Variants in DOCK2 observed in about 807,000 individuals in gnomAD.
DOCK2 encodes dedicator of cytokinesis protein 2.
In DOCK2, 87 loss-of-function variants were observed where a neutral mutation model predicts 248.9. The observed-to-expected ratio is 0.35, with a 90% CI of 0.29 to 0.42. The LOEUF (loss-of-function observed/expected upper bound fraction) is 0.42. DOCK2 is among the 10% of genes least tolerant of loss of function. The pLI, the probability that DOCK2 is intolerant of heterozygous loss-of-function variation, is 1.00. For missense variants in DOCK2, 1,747 were observed against 2,300.2 expected, an observed-to-expected ratio of 0.76 and a Z score of 4.92; for synonymous variants, 805 against 821.6, an observed-to-expected ratio of 0.98 and a Z score of 0.35.
At chr5:169,843,432 G>A (rs1423856528) in intron 27 of DOCK2, among the ~76,000 whole-genome samples, 1 of 152,234 alleles carries the variant, frequency 6.6e-6, no homozygotes, top group East Asian at 1.9e-4. Context: ...TGAGGCAGGA[G>A]AATGGCATGA....
chr5:169,841,657 T>C lies in DOCK2; in HGVS notation c.2799+805T>C, dbSNP rs1249490713. ...AAACATGATAGATGTGCTGTTTCCC[T>C]TTTTTTGAGTCTGATATCACCTAAG... On this transcript the variant is annotated intron_variant, in intron 27 of 51. Coordinates refer to ENST00000520908, the MANE Select transcript of DOCK2 (RefSeq NM_004946.3). 5 of 170,878 alleles carry C rather than the reference T, an allele frequency of 2.9e-5. No individual in the cohort carries two copies. In the East Asian group the frequency reaches 7.6e-4, roughly 26 times the overall value. The allele number at this position is 170,878 out of a possible 1,614,324, so 10.6% of individuals were successfully genotyped here. A position where few individuals can be genotyped will look rare whatever the true frequency, so the allele number is the denominator to read the frequency against.
At chr5:169,685,856 G>A (rs1759942885) in intron 8 of DOCK2, among the ~76,000 whole-genome samples, 1 of 152,194 alleles carries the variant, frequency 6.6e-6, no homozygotes, top group African/African-American at 2.4e-5. Flanking sequence ...TTTGTAAACA[G>A]CAGAGCTGGG....
At chr5:169,686,371 C>T (rs574305488) in intron 8 of DOCK2, among the ~76,000 whole-genome samples, 1 of 152,316 alleles carries the variant, frequency 6.6e-6, no homozygotes, top group African/African-American at 2.4e-5. Context: ...GAGGTGGCAG[C>T]TGTGCTCCCT....
chr5:169,785,834 G>C (rs935047822), intron 25 of DOCK2, among the ~76,000 whole-genome samples: 4 of 152,052 alleles, frequency 2.6e-5, no homozygotes, highest in Admixed American at 2.6e-4. Flanking sequence ...TTTGTGGAAT[G>C]CTCCTTCATT....
chr5:170,042,564 T>A lies in DOCK2; in HGVS notation c.3876+432T>A, dbSNP rs1756557332. Reference sequence around the variant, plus strand: ...CTCTCTCATTTCATCCCTGCTGGGGTCCCTCTTGCTCACGTGCTCTATGCC... The same window carrying A: ...CTCTCTCATTTCATCCCTGCTGGGGACCCTCTTGCTCACGTGCTCTATGCC... On this transcript the variant is annotated intron_variant, in intron 38 of 51. Coordinates refer to ENST00000520908, the MANE Select transcript of DOCK2 (RefSeq NM_004946.3). Among the ~76,000 whole-genome samples, 3 of 152,216 alleles carry A rather than the reference T, an allele frequency of 2.0e-5. No individual in the cohort carries two copies. In the South Asian group the frequency reaches 6.2e-4, roughly 32 times the overall value.
intron 9 of DOCK2, among the ~76,000 whole-genome samples, chr5:169,694,965 G>T (rs1256768070): frequency 6.6e-6 from 1 of 152,120 alleles, no homozygotes; most frequent in South Asian, 2.1e-4. Context: ...ACAGAGTGAA[G>T]CCCTGTCTCA....
chr5:169,950,083 C>T (rs1776598133), intron 27 of DOCK2, among the ~76,000 whole-genome samples: 1 of 152,146 alleles, frequency 6.6e-6, no homozygotes, highest in South Asian at 2.1e-4. Context: ...TGTTCAAGCC[C>T]ATCTGGCACC....
intron 49 of DOCK2, 194 bp from the exon 50 acceptor site, chr5:170,079,968 TG>T: frequency 1.3e-6 from 1 of 793,570 alleles, no homozygotes. Flanking sequence ...CGCCTGTAGT[TG>T]TGTAGTGTGC....
intron 6 of DOCK2, among the ~76,000 whole-genome samples, chr5:169,680,807 C>G (rs1302364176): frequency 6.6e-6 from 1 of 152,152 alleles, no homozygotes; most frequent in Non-Finnish European, 1.5e-5. Flanking sequence ...CTACCTGTCC[C>G]CACAGATAAC....
intron 27 of DOCK2, among the ~76,000 whole-genome samples, chr5:169,943,939 A>G (rs969006220): frequency 3.3e-5 from 5 of 152,228 alleles, no homozygotes; most frequent in Admixed American, 3.3e-4. Context: ...AAATTTAGAA[A>G]AGCCACTTTG....
At chr5:170,051,136 G>A (rs1756900082) in intron 41 of DOCK2, among the ~76,000 whole-genome samples, 1 of 152,196 alleles carries the variant, frequency 6.6e-6, no homozygotes. Flanking sequence ...CAGGAAGTGG[G>A]GAGAATATCC....
intron 15 of DOCK2, 48 bp downstream of exon 15, chr5:169,708,315 A>G (rs1352870453): frequency 1.3e-6 from 2 of 1,556,216 alleles, no homozygotes; most frequent in Middle Eastern, 1.7e-4. Flanking sequence ...CTTACCATGA[A>G]CCAGGCACTG....
At chr5:169,796,058 A>C (rs772238926) in intron 25 of DOCK2, among the ~76,000 whole-genome samples, 1 of 152,244 alleles carries the variant, frequency 6.6e-6, no homozygotes, top group Non-Finnish European at 1.5e-5. Context: ...GCTGGTTATG[A>C]GTGGAATGAG....
At chr5:169,958,376 G>A (rs1270298038) in intron 27 of DOCK2, among the ~76,000 whole-genome samples, 1 of 152,128 alleles carries the variant, frequency 6.6e-6, no homozygotes, top group Non-Finnish European at 1.5e-5. Context: ...GGTGGGAAAA[G>A]CAAGAGGAGG....
In DOCK2 at chr5:169,759,763, C is replaced by T. The variant is rs775851597; in HGVS notation, c.2435C>T (p.Ala812Val). 5.1e-5 allele frequency: 83 copies of T among 1,613,744 alleles called. No individual in the cohort carries two copies. Among genetic ancestry groups the T allele is most frequent in the Non-Finnish European group, 6.2e-5 (73 of 1,179,846 alleles). Residue 812 changes from alanine (A) to valine (V), a missense_variant, in exon 24 of 52, where the codon GCG (alanine) becomes GTG (valine). Physicochemically the swap from Ala to Val is moderately conservative, Grantham distance 64. Coordinates refer to ENST00000520908, the MANE Select transcript of DOCK2 (RefSeq NM_004946.3). ...CATGATGTAGAAATGGTCTTTGATG[C>T]GAAGTTACTCAGGTGAGAGCTCATG... ...VLHDVEMVFD[A>V]KLLSQLLYEF...
intron 27 of DOCK2, among the ~76,000 whole-genome samples, chr5:169,907,194 T>C (rs1774329978): frequency 6.6e-6 from 1 of 152,230 alleles, no homozygotes; most frequent in Non-Finnish European, 1.5e-5. Flanking sequence ...GTGAAATATT[T>C]TCTGCTTATT....
intron 25 of DOCK2, among the ~76,000 whole-genome samples, chr5:169,792,550 A>G (rs1227955406): frequency 6.6e-6 from 1 of 152,008 alleles, no homozygotes; most frequent in Admixed American, 6.5e-5. Flanking sequence ...GGGCTGAAGC[A>G]GTCCTTCCAT....
intron 6 of DOCK2, among the ~76,000 whole-genome samples, chr5:169,675,817 G>C (rs1029037526): frequency 2.6e-5 from 4 of 152,202 alleles, no homozygotes; most frequent in Admixed American, 1.3e-4. Context: ...TAAGCACTAG[G>C]GGGAGGATTC....
chr5:170,047,812 C>T (rs1365794563), intron 40 of DOCK2, among the ~76,000 whole-genome samples, 198 bp downstream of exon 40: 2 of 152,188 alleles, frequency 1.3e-5, no homozygotes, highest in Non-Finnish European at 2.9e-5. Flanking sequence ...CTGTGTTTCT[C>T]TAACTACACA....
Sources: allele counts gnomAD v4.1 joint callset (sites outside exome capture counted in the v4.1 genomes callset), GRCh38; gene constraint gnomAD v4.1.1; transcripts MANE v1.5; gene names NCBI Gene and HGNC (gene_info 2026-07-23, HGNC 2026-07-21).